ZNF385D: variants seen among roughly 807,000 people sequenced by gnomAD.
The protein encoded by ZNF385D is zinc finger protein 385D, also known as zinc finger protein 659.
In ZNF385D, 15 loss-of-function variants were observed where a neutral mutation model predicts 35.8. That is an observed-to-expected ratio of 0.42 (90% CI 0.28 to 0.64). The LOEUF (loss-of-function observed/expected upper bound fraction) is 0.64, where lower values mean the gene tolerates loss of function less well. Ranked by LOEUF, ZNF385D falls within the 30% of genes least tolerant of loss-of-function variation. ZNF385D has a pLI of 0.23. For missense variants in ZNF385D, 474 were observed against 494.6 expected (o/e 0.96, Z 0.39); for synonymous variants, 212 against 186.8 (o/e 1.13, Z -1.10).
chr3:21,431,992 G>A (rs982351958), intron 5 of ZNF385D, among the ~76,000 whole-genome samples: 4 of 152,066 alleles, frequency 2.6e-5, no homozygotes, highest in Non-Finnish European at 2.9e-5. Context: ...AGATAATCAA[G>A]GAAAATTAAC....
intron 2 of ZNF385D, among the ~76,000 whole-genome samples, chr3:22,336,313 T>C (rs576222884): frequency 1.7e-4 from 26 of 152,322 alleles, no homozygotes; most frequent in African/African-American, 4.8e-4. Context: ...TGAAATACTA[T>C]TGCAACTTGT....
chr3:21,915,562 T>C (rs1478423823), intron 3 of ZNF385D, among the ~76,000 whole-genome samples: 1 of 152,088 alleles, frequency 6.6e-6, no homozygotes, highest in African/African-American at 2.4e-5. Flanking sequence ...TGATGCTTTG[T>C]ATTAGTGTTT....
intron 4 of ZNF385D, among the ~76,000 whole-genome samples, chr3:21,439,044 G>A (rs1701719713): frequency 1.3e-5 from 2 of 152,028 alleles, no homozygotes; most frequent in Admixed American, 1.3e-4. Context: ...AAGCATGTGT[G>A]TATGCATCTG....
Position 22,033,054 on chromosome 3 carries a change from T to C in ZNF385D, c.325+135763A>G, listed in dbSNP as rs538856533. ...AGAAGACAGAATCAAGATTCCGAGA[T>C]TGAATTTCTGCCCAAGACATTTTGA... On this transcript the variant is annotated intron_variant, in intron 3 of 5. Transcript: ENST00000494108. Among the ~76,000 whole-genome samples the C allele has an allele frequency of 1.0e-3, 153 of 152,160 alleles. 1 individual carries two copies. The highest frequency in any genetic ancestry group is 3.3e-3 in the African/African-American group (138 of 41,510).
At chr3:22,263,317 G>A (rs921857073) in intron 2 of ZNF385D, among the ~76,000 whole-genome samples, 1 of 151,946 alleles carries the variant, frequency 6.6e-6, no homozygotes, top group Non-Finnish European at 1.5e-5. Context: ...TCCACTTGGG[G>A]ACTTTCCAAC....
intron 2 of ZNF385D, among the ~76,000 whole-genome samples, chr3:22,195,289 G>A (rs182588678): frequency 2.5e-4 from 38 of 151,924 alleles, no homozygotes; most frequent in African/African-American, 8.0e-4. Flanking sequence ...ATGTGTTTAC[G>A]TGTCATACAT....
chr3:22,100,778 A>G (rs1701895367), intron 3 of ZNF385D, among the ~76,000 whole-genome samples: 2 of 151,934 alleles, frequency 1.3e-5, no homozygotes, highest in South Asian at 2.1e-4. Context: ...GCACATGTAT[A>G]CATATGTAAC....
At position 21,421,064 on chromosome 3, in the gene ZNF385D, C is replaced by A; in HGVS notation, c.*150G>T. The A allele has an allele frequency of 6.2e-6, 2 of 322,286 alleles. No homozygotes were observed. Among genetic ancestry groups the A allele is most frequent in the Non-Finnish European group, 1.1e-5 (2 of 182,792 alleles). The allele number at this position is 322,286 out of a possible 1,614,324, so 20.0% of individuals were successfully genotyped here. A position where few individuals can be genotyped will look rare whatever the true frequency, so the allele number is the denominator to read the frequency against. On this transcript the variant is annotated 3_prime_UTR_variant, in exon 8 of 8. Transcript: ENST00000281523. ...CCCTCCCACCCCCAAACCTCCCCCA[C>A]TTTTTTATAACCTTTTCAATTCACT...
At chr3:22,073,467 T>A (rs976660144) in intron 3 of ZNF385D, among the ~76,000 whole-genome samples, 5 of 151,930 alleles carry the variant, frequency 3.3e-5, no homozygotes, top group Non-Finnish European at 7.4e-5. Context: ...AGAAATTTAA[T>A]CTTTCCTGAA....
chr3:21,827,768 C>A (rs778563560), intron 3 of ZNF385D, among the ~76,000 whole-genome samples: 1 of 152,160 alleles, frequency 6.6e-6, no homozygotes, highest in Non-Finnish European at 1.5e-5. Flanking sequence ...AAGAATTCTG[C>A]AAAATGTGCG....
intron 2 of ZNF385D, among the ~76,000 whole-genome samples, chr3:22,269,456 A>G (rs956753441): frequency 1.3e-4 from 19 of 151,946 alleles, no homozygotes; most frequent in Admixed American, 7.2e-4. Flanking sequence ...GGATAAATGC[A>G]TATCTTTCCA....
chr3:21,863,568 G>A (rs1360160544), intron 3 of ZNF385D, among the ~76,000 whole-genome samples: 1 of 152,158 alleles, frequency 6.6e-6, no homozygotes, highest in Non-Finnish European at 1.5e-5. Flanking sequence ...CCCAGGGCTA[G>A]CTAGTAGTTA....
intron 2 of ZNF385D, among the ~76,000 whole-genome samples, chr3:21,608,207 C>T (rs138169204): frequency 6.6e-6 from 1 of 151,964 alleles, no homozygotes; most frequent in Non-Finnish European, 1.5e-5. Flanking sequence ...GATGGAGTTT[C>T]ACCATGTTAC....
intron 1 of ZNF385D, among the ~76,000 whole-genome samples, chr3:21,736,291 C>CT (rs879334861): frequency 1.7e-4 from 26 of 152,072 alleles, no homozygotes; most frequent in Middle Eastern, 6.4e-3. Context: ...TGACATCTTC[C>CT]TTTTTTTACC....
upstream of ZNF385D, chr3:21,751,346 A>T: frequency 9.5e-7 from 1 of 1,051,192 alleles, no homozygotes; most frequent in Non-Finnish European, 1.1e-6. Context: ...AGACTTGGGA[A>T]GGGGCGGAGT....
rs571978176 is a variant in ZNF385D at position 22,164,216 on chromosome 3, C to CTTTTTTTTTTTTTTTTTTT, written c.325+4582_325+4600dup. On this transcript the variant is annotated intron_variant, in intron 3 of 5. Transcript: ENST00000494108. Reference sequence around the variant, plus strand: ...CACTATAGGTAATACAAAAGGAGCACTTTTTTTTTTTTTTTTTTTTTTTTT... The same window carrying CTTTTTTTTTTTTTTTTTTT: ...CACTATAGGTAATACAAAAGGAGCACTTTTTTTTTTTTTTTTTTTTTTTTTTTTTTTTTTTTTTTTTTTT... Among the ~76,000 whole-genome samples, 117 of 74,948 alleles carry CTTTTTTTTTTTTTTTTTTT rather than the reference C, an allele frequency of 1.6e-3. 13 individuals carry two copies. Among genetic ancestry groups the CTTTTTTTTTTTTTTTTTTT allele is most frequent in the East Asian group, 3.5e-3 (6 of 1,738 alleles). The allele number at this position is 74,948 out of a possible 152,430, so 49.2% of individuals were successfully genotyped here. A position where few individuals can be genotyped will look rare whatever the true frequency, so the allele number is the denominator to read the frequency against.
At chr3:22,285,306 T>C (rs1701968770) in intron 2 of ZNF385D, among the ~76,000 whole-genome samples, 1 of 152,184 alleles carries the variant, frequency 6.6e-6, no homozygotes, top group Non-Finnish European at 1.5e-5. Context: ...ACTTCATGTA[T>C]CCATTTTTTA....
Position 21,412,492 on chromosome 3 carries a change from GC to G in ZNF385D, c.*8721del, listed in dbSNP as rs1247177354. On this transcript the variant is annotated 3_prime_UTR_variant, in exon 8 of 8. Transcript: ENST00000281523. ...AAAAGTTTCCCAAATTGAAAACATTGCCTATGGATTATCTACAGAAGAGAGG... is the reference window on the plus strand; with the variant it reads ...AAAAGTTTCCCAAATTGAAAACATTGCTATGGATTATCTACAGAAGAGAGG... The G allele has an allele frequency of 6.6e-6, 1 of 151,994 alleles. No homozygotes were observed. The highest frequency in any genetic ancestry group is 1.5e-5 in the Non-Finnish European group (1 of 67,976). The allele number at this position is 151,994 out of a possible 1,614,324, so 9.4% of individuals were successfully genotyped here.
intron 3 of ZNF385D, among the ~76,000 whole-genome samples, chr3:21,831,882 T>A (rs1695012848): frequency 6.6e-6 from 1 of 152,198 alleles, no homozygotes; most frequent in South Asian, 2.1e-4. Flanking sequence ...AGCTGCAGTT[T>A]GAAAATATTA....
Sources: gnomAD v4.1 joint callset for allele counts (sites outside exome capture counted in the v4.1 genomes callset) on GRCh38, gnomAD v4.1.1 for gene constraint, MANE v1.5 for transcripts, NCBI Gene and HGNC (gene_info 2026-07-23, HGNC 2026-07-21) for gene names.